The following KDM4C variants were observed in gnomAD, a reference collection of about 807,000 sequenced individuals.
The protein encoded by KDM4C is lysine demethylase 4C.
KDM4C carries 81 observed loss-of-function variants against 129.3 expected under a neutral mutation model. That is an observed-to-expected ratio of 0.63 (90% confidence interval 0.52 to 0.75). The LOEUF (loss-of-function observed/expected upper bound fraction) is 0.75, where lower values mean the gene tolerates loss of function less well. KDM4C is among the 30% of genes least tolerant of loss of function. The pLI, the probability that KDM4C is intolerant of heterozygous loss-of-function variation, is 0.00. For synonymous variants in KDM4C, 573 were observed against 456.1 expected, an observed-to-expected ratio of 1.26 and a Z score of -3.26; for missense variants, 1,457 against 1,304.0, an observed-to-expected ratio of 1.12 and a Z score of -1.81.
chr9:6,759,054 G>A (rs919683512), intron 1 of KDM4C, among the ~76,000 whole-genome samples: 1 of 152,190 alleles, frequency 6.6e-6, no homozygotes, highest in African/African-American at 2.4e-5. Flanking sequence ...CAATACTACC[G>A]GGAGGGGTTT....
chr9:7,124,996 C>T (rs1839885942), intron 18 of KDM4C, among the ~76,000 whole-genome samples: 2 of 152,128 alleles, frequency 1.3e-5, no homozygotes, highest in Non-Finnish European at 2.9e-5. Flanking sequence ...TCCACCAGCC[C>T]CTTGTCTATG....
At chr9:6,777,820 G>T (rs919104167) in intron 1 of KDM4C, among the ~76,000 whole-genome samples, 3 of 151,628 alleles carry the variant, frequency 2.0e-5, no homozygotes, top group Non-Finnish European at 2.9e-5. Flanking sequence ...GTTTCCAACT[G>T]CAAGCCATAA....
At chr9:7,027,652 G>C (rs544870676) in intron 15 of KDM4C, among the ~76,000 whole-genome samples, 8 of 152,222 alleles carry the variant, frequency 5.3e-5, no homozygotes, top group Non-Finnish European at 8.8e-5. Context: ...GGTGAAGCTA[G>C]CTAGGCTTGT....
At chr9:6,954,546 G>A (rs921661592) in intron 8 of KDM4C, among the ~76,000 whole-genome samples, 1 of 152,078 alleles carries the variant, frequency 6.6e-6, no homozygotes, top group African/African-American at 2.4e-5. Context: ...CCAAGGAGAG[G>A]CCTTATTGAT....
chr9:6,747,202 A>AAACC lies in KDM4C; in HGVS notation c.49+26228_49+26231dup, dbSNP rs1554666609. Among the ~76,000 whole-genome samples, 790 of 133,060 alleles carry AAACC rather than the reference A, an allele frequency of 5.9e-3. 9 individuals are homozygous for AAACC. The highest frequency in any genetic ancestry group is 0.022 in the African/African-American group (719 of 32,598). 87.3% of individuals were successfully genotyped at this position (133,060 alleles called of 152,430 possible). The stretch of plus-strand genomic sequence containing the variant: ...AGCAAGACTCTGTCTCCAAAAAACC[A>AAACC]AACCAACCAACCAACCAACCAACCA... On this transcript the variant is annotated intron_variant, in intron 1 of 17. Transcript: ENST00000536108.
chr9:6,954,955 C>T (rs891276400), intron 8 of KDM4C, among the ~76,000 whole-genome samples: 1 of 152,220 alleles, frequency 6.6e-6, no homozygotes, highest in African/African-American at 2.4e-5. Flanking sequence ...GTCTCTAGTA[C>T]TGCAGGAGGC....
At chr9:7,112,855 T>G (rs1487022956) in intron 18 of KDM4C, among the ~76,000 whole-genome samples, 1 of 152,250 alleles carries the variant, frequency 6.6e-6, no homozygotes, top group Non-Finnish European at 1.5e-5. Flanking sequence ...ATCCTCATAG[T>G]GTCTCTAAGA....
At chr9:6,893,949 G>A (rs1444895565) in intron 8 of KDM4C, among the ~76,000 whole-genome samples, 1 of 152,216 alleles carries the variant, frequency 6.6e-6, no homozygotes, top group Non-Finnish European at 1.5e-5. Context: ...GCTTTTAAGG[G>A]AAAGGTGCAG....
chr9:6,741,351 C>T (rs950023997), intron 1 of KDM4C, among the ~76,000 whole-genome samples: 10 of 151,972 alleles, frequency 6.6e-5, no homozygotes, highest in South Asian at 2.1e-4. Context: ...GCAGAGATTG[C>T]GACACTGCAC....
intron 19 of KDM4C, among the ~76,000 whole-genome samples, chr9:7,161,510 AC>A (rs1489144650): frequency 6.6e-6 from 1 of 152,130 alleles, no homozygotes; most frequent in Non-Finnish European, 1.5e-5. Flanking sequence ...ATGAAATCTT[AC>A]TCAGAAACCT....
At chr9:7,103,264 T>C (rs1837304204) in intron 17 of KDM4C, among the ~76,000 whole-genome samples, 1 of 152,224 alleles carries the variant, frequency 6.6e-6, no homozygotes, top group Non-Finnish European at 1.5e-5. Context: ...TAGGAAAGAA[T>C]GACCTGTCCT....
At chr9:6,895,854 T>C (rs1816331659) in intron 8 of KDM4C, among the ~76,000 whole-genome samples, 1 of 152,256 alleles carries the variant, frequency 6.6e-6, no homozygotes, top group Non-Finnish European at 1.5e-5. Flanking sequence ...AATGTTTCAC[T>C]AAAATATCAT....
At chr9:7,043,154 G>A (rs527867980) in intron 15 of KDM4C, among the ~76,000 whole-genome samples, 6 of 152,112 alleles carry the variant, frequency 3.9e-5, no homozygotes, top group African/African-American at 1.4e-4. Context: ...AAAGAAGGGA[G>A]GTGAAGTATA....
rs1835644903 is a variant in KDM4C, at chr9:6,835,123, C to T, written c.436-14384C>T. 1.1e-5 allele frequency: 11 copies of T among 998,422 alleles called. No individual in the cohort carries two copies. In the Admixed American group the frequency reaches 1.5e-4, roughly 14 times the overall value. 61.8% of individuals were successfully genotyped at this position (998,422 alleles called of 1,614,324 possible). A position where few individuals can be genotyped will look rare whatever the true frequency, so the allele number is the denominator to read the frequency against. The stretch of plus-strand genomic sequence containing the variant: ...GTGCTATGTTGCTCTGGCCTTCGAG[C>T]AGGAGATGGCCATGGCGGCTTCCAG... On this transcript the variant is annotated intron_variant, in intron 4 of 21. Transcript: ENST00000381309.
intron 5 of KDM4C, among the ~76,000 whole-genome samples, chr9:6,851,587 G>A (rs1838857089): frequency 6.6e-6 from 1 of 152,144 alleles, no homozygotes; most frequent in African/African-American, 2.4e-5. Flanking sequence ...TCTTGCTTAA[G>A]AAATCTGAAA....
At chr9:6,914,713 T>C (rs1344991945) in intron 8 of KDM4C, among the ~76,000 whole-genome samples, 2 of 152,222 alleles carry the variant, frequency 1.3e-5, no homozygotes, top group Non-Finnish European at 2.9e-5. Flanking sequence ...GGATTTGTGT[T>C]CTAACAAAAG....
intron 8 of KDM4C, among the ~76,000 whole-genome samples, chr9:6,919,227 TTTC>T (rs1820912725): frequency 2.4e-5 from 2 of 84,364 alleles, no homozygotes; most frequent in Non-Finnish European, 5.4e-5. Context: ...TTTTTCCTTC[TTTC>T]TTTCTTTCTT....
Position 6,951,024 on chromosome 9 carries a change from T to A in KDM4C, c.922-29901T>A, listed in dbSNP as rs143591417. Among the ~76,000 whole-genome samples the A allele has an allele frequency of 2.8e-3, 420 of 152,278 alleles. 2 individuals carry two copies. The highest frequency in any genetic ancestry group is 9.6e-3 in the African/African-American group (398 of 41,570). ...TCATTTATTCATTCTTTAACATTTTTAAATTTTATTTTATTAATTTTTTTT... is the reference window on the plus strand; with the variant it reads ...TCATTTATTCATTCTTTAACATTTTAAAATTTTATTTTATTAATTTTTTTT... On this transcript the variant is annotated intron_variant, in intron 8 of 21. Transcript: ENST00000381309.
At chr9:6,854,525 C>CAAAAAAAAAAAAAAAAAAAAAAAAAAAAA in intron 5 of KDM4C, among the ~76,000 whole-genome samples, 1 of 41,362 alleles carries the variant, frequency 2.4e-5, no homozygotes, top group East Asian at 6.4e-4. Context: ...AACTCCGTCT[C>CAAAAAAAAAAAAAAAAAAAAAAAAAAAAA]AAAAAAAAAA....
Sources: allele counts gnomAD v4.1 joint callset (sites outside exome capture counted in the v4.1 genomes callset), GRCh38; gene constraint gnomAD v4.1.1; transcripts MANE v1.5; gene names NCBI Gene and HGNC (gene_info 2026-07-23, HGNC 2026-07-21).